Variants in MAPRE1 observed in about 807,000 individuals in gnomAD.
MAPRE1 encodes the protein microtubule-associated protein RP/EB family member 1.
MAPRE1 carries 5 observed loss-of-function variants against 32.1 expected under a neutral mutation model. That is an observed-to-expected ratio of 0.16 (90% confidence interval 0.08 to 0.33). The LOEUF is 0.33. MAPRE1 is among the 10% of genes least tolerant of loss of function. The pLI is 1.00. For synonymous variants in MAPRE1, 122 were observed against 118.9 expected (o/e 1.03, Z -0.17); for missense variants, 209 against 327.2 (o/e 0.64, Z 2.79).
chr20:32,842,853 T>G (rs1010260024), intron 5 of MAPRE1, among the ~76,000 whole-genome samples: 8 of 152,156 alleles, frequency 5.3e-5, no homozygotes, highest in Non-Finnish European at 1.0e-4. Flanking sequence ...GATTGGGGTC[T>G]GAGGAGGCTT....
At chr20:32,845,894 T>C (rs775050035) in intron 5 of MAPRE1, among the ~76,000 whole-genome samples, 6 of 152,214 alleles carry the variant, frequency 3.9e-5, no homozygotes, top group Non-Finnish European at 7.3e-5. Context: ...TACCTTTGAT[T>C]TTGTTGCTTT....
intron 4 of MAPRE1, among the ~76,000 whole-genome samples, chr20:32,837,492 A>G (rs1291404872): frequency 1.3e-5 from 2 of 152,138 alleles, no homozygotes; most frequent in African/African-American, 2.4e-5. Flanking sequence ...ATGTGTTTAC[A>G]TTAGTATAGA....
chr20:32,824,032 TA>T (rs780218734), intron 1 of MAPRE1, among the ~76,000 whole-genome samples: 1 of 152,218 alleles, frequency 6.6e-6, no homozygotes, highest in Non-Finnish European at 1.5e-5. Flanking sequence ...CTCTGATCCT[TA>T]AGCTCAACTG....
intron 5 of MAPRE1, 84 bp from the exon 6 acceptor site, chr20:32,846,534 A>G: frequency 7.6e-7 from 1 of 1,318,924 alleles, no homozygotes; most frequent in South Asian, 1.2e-5. Flanking sequence ...CAAAGACCAC[A>G]TCTCCTTTTG....
intron 5 of MAPRE1, among the ~76,000 whole-genome samples, 183 bp from the exon 6 acceptor site, chr20:32,846,435 G>A (rs756558137): frequency 1.3e-5 from 2 of 152,170 alleles, no homozygotes; most frequent in Admixed American, 1.3e-4. Flanking sequence ...TACCGTCAAG[G>A]TTGCTATAAA....
At chr20:32,820,570 T>G (rs1201931337) in intron 1 of MAPRE1, among the ~76,000 whole-genome samples, 1 of 152,182 alleles carries the variant, frequency 6.6e-6, no homozygotes, top group Admixed American at 6.5e-5. Flanking sequence ...GCGCGATGTA[T>G]GGCAGAAAGT....
intron 6 of MAPRE1, among the ~76,000 whole-genome samples, chr20:32,847,679 T>C (rs1983541014): frequency 1.3e-5 from 2 of 152,168 alleles, no homozygotes; most frequent in Admixed American, 1.3e-4. Flanking sequence ...ATTATTTTAG[T>C]GGAGCCACAT....
chr20:32,846,859 G>A (rs903350737), intron 6 of MAPRE1, 89 bp downstream of exon 6: 1 of 1,395,050 alleles, frequency 7.2e-7, no homozygotes. Context: ...TTCCAGTGTT[G>A]CATTCATCAA....
chr20:32,835,762 C>T (rs916152836), intron 3 of MAPRE1, among the ~76,000 whole-genome samples: 2 of 151,870 alleles, frequency 1.3e-5, no homozygotes, highest in African/African-American at 4.8e-5. Flanking sequence ...CCCGCCACCA[C>T]ACCCGGCTAA....
chr20:32,820,206 G>GGC (rs1161391916), intron 1 of MAPRE1, among the ~76,000 whole-genome samples, 178 bp downstream of exon 1: 1 of 151,376 alleles, frequency 6.6e-6, no homozygotes, highest in Admixed American at 6.6e-5. Flanking sequence ...TGGGCCTGGG[G>GGC]GCGCGCGCTG....
intron 6 of MAPRE1, 85 bp from the exon 7 acceptor site, chr20:32,848,587 T>C: frequency 2.0e-6 from 2 of 1,012,136 alleles, no homozygotes; most frequent in Non-Finnish European, 3.0e-6. Context: ...ACCATTGTTT[T>C]TAAGAGGCTG....
chr20:32,838,567 CT>C (rs1983264967), intron 4 of MAPRE1, among the ~76,000 whole-genome samples: 1 of 152,176 alleles, frequency 6.6e-6, no homozygotes, highest in Admixed American at 6.5e-5. Context: ...TGTATTTAAC[CT>C]TTTGCAGAAC....
rs561115527 is a variant in MAPRE1 at position 32,830,816 on chromosome 20, C to T, written c.122-2901C>T. Among the ~76,000 whole-genome samples the T allele has an allele frequency of 2.4e-3, 365 of 152,044 alleles. 17 individuals are homozygous for T. The South Asian group carries it at 0.07, about 29-fold the overall frequency. ...CTCCGCTCACTGCAAGCTCCACCTC[C>T]CAGGTTCTCACCATTCTCTGCCTCA... is the stretch of plus-strand genomic sequence containing the variant. On this transcript the variant is annotated intron_variant, in intron 2 of 6. Transcript: ENST00000375571.
chr20:32,831,294 A>C (rs772376395), intron 2 of MAPRE1, among the ~76,000 whole-genome samples: 6 of 152,114 alleles, frequency 3.9e-5, no homozygotes, highest in Non-Finnish European at 7.4e-5. Flanking sequence ...AGAAAAAGAA[A>C]CATGAAGAGA....
chr20:32,826,856 G>A lies in MAPRE1; in HGVS notation c.121+808G>A, dbSNP rs532115995. On this transcript the variant is annotated intron_variant, in intron 2 of 6. Transcript: ENST00000375571. ...ATAAAGAGTGTGCTCTGGCCTGCAG[G>A]TCCACCATCTTCTGCTCTAGAGACT... Among the ~76,000 whole-genome samples, 11 of 151,954 alleles carry A rather than the reference G, an allele frequency of 7.2e-5. No individual in the cohort carries two copies. In the East Asian group the frequency reaches 2.1e-3, roughly 29 times the overall value.
intron 5 of MAPRE1, among the ~76,000 whole-genome samples, chr20:32,843,900 CTGG>C: frequency 6.6e-6 from 1 of 150,574 alleles, no homozygotes; most frequent in Admixed American, 6.6e-5. Flanking sequence ...GTCACACAGG[CTGG>C]AGTGCAGTGG....
At chr20:32,821,372 T>C (rs1982697240) in intron 1 of MAPRE1, among the ~76,000 whole-genome samples, 1 of 152,150 alleles carries the variant, frequency 6.6e-6, no homozygotes, top group African/African-American at 2.4e-5. Context: ...AGGCGGAGTG[T>C]CTTATGCAGC....
chr20:32,842,481 A>G (rs1983392560), intron 5 of MAPRE1, among the ~76,000 whole-genome samples: 1 of 152,236 alleles, frequency 6.6e-6, no homozygotes, highest in Admixed American at 6.5e-5. Context: ...TAAGGATAAT[A>G]AGGCTTGGAG....
chr20:32,828,831 A>G (rs553089410), intron 2 of MAPRE1, among the ~76,000 whole-genome samples: 180 of 149,308 alleles, frequency 1.2e-3, no homozygotes, highest in African/African-American at 4.4e-3. Flanking sequence ...TATATCTTTT[A>G]TAGAAACATT....
Sources: allele counts gnomAD v4.1 joint callset (sites outside exome capture counted in the v4.1 genomes callset), GRCh38; gene constraint gnomAD v4.1.1; transcripts MANE v1.5; gene names NCBI Gene and HGNC (gene_info 2026-07-23, HGNC 2026-07-21).